Variants in EFHC1 observed in about 807,000 individuals in gnomAD.
The protein encoded by EFHC1 is EF-hand domain containing 1.
EFHC1 carries 53 observed loss-of-function variants against 69.9 expected under a neutral mutation model. The observed-to-expected ratio is 0.76, with a 90% CI of 0.61 to 0.95. EFHC1 has a LOEUF of 0.95. EFHC1 is among the 40% of genes least tolerant of loss of function. The probability of loss-of-function intolerance (pLI) is 0.00; values close to 1 mark genes in which losing one functional copy is unlikely to be tolerated. For missense variants in EFHC1, 739 were observed against 798.7 expected (o/e 0.93, Z 0.90); for synonymous variants, 256 against 278.4 (o/e 0.92, Z 0.80).
At chr6:52,459,820 G>A (rs1210364600) in intron 5 of EFHC1, among the ~76,000 whole-genome samples, 1 of 151,940 alleles carries the variant, frequency 6.6e-6, no homozygotes, top group Non-Finnish European at 1.5e-5. Flanking sequence ...GACTACAGGC[G>A]CCTGCCACTA....
chr6:52,492,579 C>T lies in EFHC1; in HGVS notation c.*238C>T, dbSNP rs1765931741. 1 of 651,348 alleles carries T rather than the reference C, an allele frequency of 1.5e-6. No homozygotes were observed. The highest frequency in any genetic ancestry group is 1.5e-5 in the South Asian group (1 of 65,972). 40.3% of individuals were successfully genotyped at this position (651,348 alleles called of 1,614,324 possible). A position where few individuals can be genotyped will look rare whatever the true frequency, so the allele number is the denominator to read the frequency against. Reference sequence around the variant, plus strand: ...ATTTTGTGTGTCAAATTGACTTGGCCACAGGGGGCCCAAATATTTCCTTTC... The same window carrying T: ...ATTTTGTGTGTCAAATTGACTTGGCTACAGGGGGCCCAAATATTTCCTTTC... On this transcript the variant is annotated 3_prime_UTR_variant, in exon 11 of 11. Coordinates refer to ENST00000371068, the MANE Select transcript of EFHC1 (RefSeq NM_018100.4).
intron 6 of EFHC1, among the ~76,000 whole-genome samples, chr6:52,467,587 A>G (rs1324910104): frequency 6.6e-6 from 1 of 152,202 alleles, no homozygotes; most frequent in African/African-American, 2.4e-5. Flanking sequence ...GAAGTAAAGA[A>G]AAGAGAGGGA....
rs978514228 is a variant in EFHC1 at position 52,443,379 on chromosome 6, T to G, written c.573+4788T>G. 4.6e-5 allele frequency among the ~76,000 whole-genome samples: 7 copies of G among 152,362 alleles called. 1 individual carries two copies. The highest frequency in any genetic ancestry group is 1.7e-4 in the African/African-American group (7 of 41,592). ...TCCTTGCCCATGCCTATGTCCTGAA[T>G]GGTATTACCTAGGTTTTCTTCTAGG... is the stretch of plus-strand genomic sequence containing the variant. On this transcript the variant is annotated intron_variant, in intron 3 of 10. Coordinates refer to ENST00000371068, the MANE Select transcript of EFHC1 (RefSeq NM_018100.4).
At chr6:52,443,218 T>G (rs1029952977) in intron 3 of EFHC1, among the ~76,000 whole-genome samples, 1 of 152,212 alleles carries the variant, frequency 6.6e-6, no homozygotes, top group Non-Finnish European at 1.5e-5. Context: ...TTGTAAAAAT[T>G]TTCTCCCATT....
chr6:52,466,495 C>A (rs1446920001), intron 6 of EFHC1, among the ~76,000 whole-genome samples: 1 of 152,178 alleles, frequency 6.6e-6, no homozygotes, highest in African/African-American at 2.4e-5. Context: ...GGCAAAAAGC[C>A]TTTCATCTCT....
chr6:52,435,039 C>T (rs1326543168), intron 2 of EFHC1, among the ~76,000 whole-genome samples: 1 of 152,102 alleles, frequency 6.6e-6, no homozygotes, highest in Admixed American at 6.6e-5. Flanking sequence ...ATGGCTGTGG[C>T]CACAGACTTG....
Position 52,493,106 on chromosome 6 carries a change from G to C in EFHC1, c.*765G>C, listed in dbSNP as rs1278538384. 1 of 453,912 alleles carries C rather than the reference G, an allele frequency of 2.2e-6. No individual in the cohort carries two copies. The highest frequency in any genetic ancestry group is 4.4e-6 in the Non-Finnish European group (1 of 226,760). 28.1% of individuals were successfully genotyped at this position (453,912 alleles called of 1,614,324 possible). A position where few individuals can be genotyped will look rare whatever the true frequency, so the allele number is the denominator to read the frequency against. On this transcript the variant is annotated 3_prime_UTR_variant, in exon 11 of 11. Transcript: ENST00000371068. ...TAAGAGAATTCCTCCTGCCTGACTG[G>C]CTTCAAATTGGAACATCAGCCTTTT... is the stretch of plus-strand genomic sequence containing the variant.
chr6:52,427,519 C>G (rs1304214591), intron 2 of EFHC1, among the ~76,000 whole-genome samples: 1 of 151,254 alleles, frequency 6.6e-6, no homozygotes, highest in Non-Finnish European at 1.5e-5. Context: ...TCTGCTATGG[C>G]AGTTCCTCCT....
chr6:52,468,291 G>A (rs1227635931), intron 6 of EFHC1: 3 of 152,160 alleles, frequency 2.0e-5, no homozygotes, highest in Non-Finnish European at 4.4e-5. Context: ...GAGTATCTAG[G>A]AGTGATGATA....
At position 52,469,336 on chromosome 6, in the gene EFHC1, T is replaced by C. The variant is rs1400221123; in HGVS notation, c.1141T>C (p.Leu381=). The change falls in exon 7 of 11, where the codon TTG becomes CTG. Residue 381 remains leucine, a synonymous_variant. Transcript: ENST00000371068. The stretch of plus-strand genomic sequence containing the variant: ...CTTGCTTCCTATGTATCTCCAGGAG[T>C]TGCCTCCTTATAACGGTTTTGGACT... ...KREPPPVKQE[L]PPYNGFGLVE... is the part of the protein sequence containing the mutation. 1.9e-6 allele frequency: 3 copies of C among 1,613,858 alleles called. No individual in the cohort carries two copies. Among genetic ancestry groups the C allele is most frequent in the Non-Finnish European group, 2.5e-6 (3 of 1,179,916 alleles).
chr6:52,466,595 T>A lies in EFHC1; in HGVS notation c.1137+1480T>A, dbSNP rs373628786. On this transcript the variant is annotated intron_variant, in intron 6 of 10. Coordinates refer to ENST00000371068, the MANE Select transcript of EFHC1 (RefSeq NM_018100.4). ...TGAATATTTTGTACTAGATTGTAACTCCCTTGAGGCCAAGGACTATGTCCT... is the reference window on the plus strand; with the variant it reads ...TGAATATTTTGTACTAGATTGTAACACCCTTGAGGCCAAGGACTATGTCCT... 2.0e-3 allele frequency among the ~76,000 whole-genome samples: 303 copies of A among 152,326 alleles called. 1 individual carries two copies. The highest frequency in any genetic ancestry group is 6.8e-3 in the African/African-American group (283 of 41,574).
chr6:52,423,894 C>T lies in EFHC1; in HGVS notation c.64-52C>T, dbSNP rs998907326. ...TTTTTAAAAGTTAGTTTTTTTTTTA[C>T]CTAACAAATATTTGTCTAATGTTAT... On this transcript the variant is annotated intron_variant, in intron 1 of 10. Coordinates refer to ENST00000371068, the MANE Select transcript of EFHC1 (RefSeq NM_018100.4). The T allele has an allele frequency of 3.6e-5, 58 of 1,599,920 alleles. No homozygotes were observed. In the Middle Eastern group the frequency reaches 9.9e-4, roughly 27 times the overall value.
intron 3 of EFHC1, among the ~76,000 whole-genome samples, chr6:52,442,180 G>A (rs1764679236): frequency 6.6e-6 from 1 of 152,094 alleles, no homozygotes; most frequent in Non-Finnish European, 1.5e-5. Flanking sequence ...TCTTGTGTCA[G>A]TTTTCAAGAG....
At chr6:52,460,423 T>C (rs939091852) in intron 5 of EFHC1, among the ~76,000 whole-genome samples, 1 of 152,182 alleles carries the variant, frequency 6.6e-6, no homozygotes, top group African/African-American at 2.4e-5. Flanking sequence ...TGTGATTGGA[T>C]GTTTATTATT....
chr6:52,456,639 C>T (rs1483970709), intron 5 of EFHC1, among the ~76,000 whole-genome samples: 1 of 152,112 alleles, frequency 6.6e-6, no homozygotes, highest in African/African-American at 2.4e-5. Context: ...ACAGGCTGGT[C>T]GCTGTGGCCG....
intron 3 of EFHC1, among the ~76,000 whole-genome samples, chr6:52,439,420 G>C (rs1456712647): frequency 6.6e-6 from 1 of 152,112 alleles, no homozygotes; most frequent in African/African-American, 2.4e-5. Flanking sequence ...TTGCATGCCT[G>C]CTTTGTTCCA....
At position 52,461,237 on chromosome 6, in the gene EFHC1, A is replaced by G. The variant is rs149893895; in HGVS notation, c.917-3658A>G. 5.5e-3 allele frequency among the ~76,000 whole-genome samples: 843 copies of G among 152,108 alleles called. 8 individuals are homozygous for G. The highest frequency in any genetic ancestry group is 0.019 in the African/African-American group (793 of 41,512). ...CCCTCCTCCCACCCTTCACCCTCCA[A>G]TAGACCCCAGTGTGTATTGTTCCCT... On this transcript the variant is annotated intron_variant, in intron 5 of 10. Coordinates refer to ENST00000371068, the MANE Select transcript of EFHC1 (RefSeq NM_018100.4).
Position 52,496,627 on chromosome 6 carries a change from G to A in EFHC1, c.*4286G>A, listed in dbSNP as rs1174912481. The A allele has an allele frequency of 2.6e-5, 4 of 152,128 alleles. No individual in the cohort carries two copies. Among genetic ancestry groups the A allele is most frequent in the Non-Finnish European group, 1.5e-5 (1 of 68,018 alleles). 9.4% of individuals were successfully genotyped at this position (152,128 alleles called of 1,614,324 possible). A position where few individuals can be genotyped will look rare whatever the true frequency, so the allele number is the denominator to read the frequency against. On this transcript the variant is annotated 3_prime_UTR_variant, in exon 11 of 11. Coordinates refer to ENST00000371068, the MANE Select transcript of EFHC1 (RefSeq NM_018100.4). ...ATATGTACCATGAACTTAGCATTCA[G>A]TATCTCTAAATCTCTCACCATGACT... is the stretch of plus-strand genomic sequence containing the variant.
rs200468307 is a variant in EFHC1 at position 52,457,682 on chromosome 6, CT to C, written c.916+3397del. ...AATATCAAAACAGGACATCTTTTGA[CT>C]TAACAAAAGCTTTCTACTCAGCTCT... On this transcript the variant is annotated intron_variant, in intron 5 of 10. Coordinates refer to ENST00000371068, the MANE Select transcript of EFHC1 (RefSeq NM_018100.4). 5.5e-3 allele frequency among the ~76,000 whole-genome samples: 845 copies of C among 152,278 alleles called. 8 individuals carry two copies. Among genetic ancestry groups the C allele is most frequent in the African/African-American group, 0.019 (795 of 41,550 alleles).
Sources: allele counts gnomAD v4.1 joint callset (sites outside exome capture counted in the v4.1 genomes callset), GRCh38; gene constraint gnomAD v4.1.1; transcripts MANE v1.5; gene names NCBI Gene and HGNC (gene_info 2026-07-23, HGNC 2026-07-21).